GNAL: variants seen among roughly 807,000 people sequenced by gnomAD.
The protein encoded by GNAL is guanine nucleotide-binding protein G(olf) subunit alpha.
GNAL carries 18 observed loss-of-function variants against 55.1 expected under a neutral mutation model. That is an observed-to-expected ratio of 0.33 (90% CI 0.23 to 0.48). The LOEUF is 0.48. Ranked by LOEUF, GNAL falls within the 20% of genes least tolerant of loss-of-function variation. The pLI is 0.99. For synonymous variants in GNAL, 253 were observed against 237.0 expected, an observed-to-expected ratio of 1.07 and a Z score of -0.62; for missense variants, 412 against 614.1, an observed-to-expected ratio of 0.67 and a Z score of 3.48.
intron 5 of GNAL, among the ~76,000 whole-genome samples, chr18:11,860,346 A>G (rs1447716346): frequency 6.6e-6 from 1 of 152,188 alleles, no homozygotes; most frequent in African/African-American, 2.4e-5. Flanking sequence ...GACTGTCTCT[A>G]GCTTTCCAAA....
intron 1 of GNAL, among the ~76,000 whole-genome samples, chr18:11,748,491 A>G (rs2032740698): frequency 6.6e-6 from 1 of 151,156 alleles, no homozygotes; most frequent in South Asian, 2.1e-4. Context: ...TCATTATATT[A>G]TTAATATATT....
chr18:11,781,830 C>T (rs1039003196), intron 4 of GNAL, among the ~76,000 whole-genome samples: 1 of 152,096 alleles, frequency 6.6e-6, no homozygotes, highest in Non-Finnish European at 1.5e-5. Flanking sequence ...GGAGGGGTCA[C>T]ACTGTATTTT....
intron 4 of GNAL, among the ~76,000 whole-genome samples, chr18:11,783,465 A>G (rs977962169): frequency 7.2e-5 from 11 of 152,224 alleles, no homozygotes; most frequent in Non-Finnish European, 2.9e-5. Context: ...AGACTTTTAT[A>G]TTGTGCCTGC....
In GNAL at chr18:11,696,717, A is replaced by G. The variant is rs1033526603; in HGVS notation, c.376+6778A>G. The stretch of plus-strand genomic sequence containing the variant: ...TTGTTCTTTCACTTGGCAAAAGACC[A>G]GAAGTTCAGAACACTCTGTCAAAAA... On this transcript the variant is annotated intron_variant, in intron 1 of 11. Transcript: ENST00000334049. Among the ~76,000 whole-genome samples the G allele has an allele frequency of 3.9e-5, 6 of 152,214 alleles. No individual in the cohort carries two copies. The South Asian group carries it at 1.0e-3, about 26-fold the overall frequency.
intron 4 of GNAL, among the ~76,000 whole-genome samples, chr18:11,794,716 T>C (rs2034329999): frequency 6.6e-6 from 1 of 150,420 alleles, no homozygotes; most frequent in Non-Finnish European, 1.5e-5. Flanking sequence ...AAATGGTTAC[T>C]TTTATGTTAT....
chr18:11,773,255 A>G (rs1277317250), intron 4 of GNAL, among the ~76,000 whole-genome samples: 1 of 152,250 alleles, frequency 6.6e-6, no homozygotes, highest in Non-Finnish European at 1.5e-5. Context: ...AGCACATAAC[A>G]TGCTCACTTA....
chr18:11,799,188 G>T (rs911251081), intron 4 of GNAL, among the ~76,000 whole-genome samples: 1 of 151,830 alleles, frequency 6.6e-6, no homozygotes, highest in African/African-American at 2.4e-5. Context: ...TGAACCCCAG[G>T]ATCCCAAGCC....
At chr18:11,733,095 T>TG (rs141778972) in intron 1 of GNAL, among the ~76,000 whole-genome samples, 18,990 of 152,274 alleles carry the variant, frequency 0.12, 1,569 homozygotes, top group East Asian at 0.32. Flanking sequence ...GAGAAGACTC[T>TG]GATCTGTGCT....
intron 4 of GNAL, among the ~76,000 whole-genome samples, chr18:11,775,551 GCC>G (rs2033759448): frequency 6.6e-6 from 1 of 152,226 alleles, no homozygotes; most frequent in Non-Finnish European, 1.5e-5. Context: ...CAATGTCTAA[GCC>G]CTACCTCACC....
chr18:11,754,025 T>A, intron 4 of GNAL, 80 bp downstream of exon 4: 1 of 1,006,080 alleles, frequency 9.9e-7, no homozygotes, highest in Non-Finnish European at 1.6e-6. Context: ...AGAATCAATA[T>A]TGATACTAAT....
chr18:11,801,961 G>C (rs1424675554), intron 4 of GNAL, among the ~76,000 whole-genome samples: 1 of 152,120 alleles, frequency 6.6e-6, no homozygotes, highest in Admixed American at 6.5e-5. Flanking sequence ...GCAATAATCA[G>C]TATAATAATC....
At chr18:11,862,301 T>A in intron 5 of GNAL, 94 bp from the exon 6 acceptor site, 1 of 899,724 alleles carries the variant, frequency 1.1e-6, no homozygotes. Flanking sequence ...CCCCCATCCT[T>A]GCTGTACTTG....
At chr18:11,877,975 A>G (rs1362647422) in intron 11 of GNAL, among the ~76,000 whole-genome samples, 2 of 152,248 alleles carry the variant, frequency 1.3e-5, no homozygotes, top group Non-Finnish European at 2.9e-5. Context: ...GCCTTTACTT[A>G]AGCCAATTAA....
chr18:11,754,307 C>T (rs1474460282), intron 4 of GNAL, among the ~76,000 whole-genome samples: 1 of 151,818 alleles, frequency 6.6e-6, no homozygotes, highest in Non-Finnish European at 1.5e-5. Flanking sequence ...ATCCCAGCTA[C>T]TCAAGAGGCT....
chr18:11,876,487 T>A (rs2036535706), intron 10 of GNAL, 134 bp from the exon 11 acceptor site: 7 of 663,946 alleles, frequency 1.1e-5, no homozygotes, highest in Middle Eastern at 2.5e-4. Flanking sequence ...ACATGTTTGT[T>A]TTTGCCTTGC....
intron 5 of GNAL, among the ~76,000 whole-genome samples, chr18:11,848,316 C>G (rs2035782061): frequency 6.6e-6 from 1 of 152,120 alleles, no homozygotes; most frequent in African/African-American, 2.4e-5. Flanking sequence ...CTAGTCAGCC[C>G]TGGTCTCTCT....
At chr18:11,845,724 A>G (rs551553627) in intron 5 of GNAL, among the ~76,000 whole-genome samples, 48 of 151,276 alleles carry the variant, frequency 3.2e-4, no homozygotes, top group African/African-American at 1.1e-3. Context: ...GGAAAGAAAT[A>G]AAGGAAGGAA....
intron 5 of GNAL, among the ~76,000 whole-genome samples, chr18:11,828,952 A>G (rs2035315009): frequency 6.6e-6 from 1 of 152,234 alleles, no homozygotes; most frequent in African/African-American, 2.4e-5. Flanking sequence ...GCACTAGGTA[A>G]GTGTTATCTC....
chr18:11,807,018 G>T lies in GNAL; in HGVS notation c.625-17900G>T, dbSNP rs140337131. 4.5e-3 allele frequency among the ~76,000 whole-genome samples: 690 copies of T among 152,160 alleles called. 7 individuals are homozygous for T. Among genetic ancestry groups the T allele is most frequent in the African/African-American group, 0.015 (643 of 41,522 alleles). On this transcript the variant is annotated intron_variant, in intron 4 of 11. Coordinates refer to ENST00000334049, the MANE Select transcript of GNAL (RefSeq NM_182978.4). ...TACTAAAAATACAAAAATTAGCCGG[G>T]CATGGTGGCGCACGCCTGTAGTTCC... is the stretch of plus-strand genomic sequence containing the variant.
Sources: allele counts gnomAD v4.1 joint callset (sites outside exome capture counted in the v4.1 genomes callset), GRCh38; gene constraint gnomAD v4.1.1; transcripts MANE v1.5; gene names NCBI Gene and HGNC (gene_info 2026-07-23, HGNC 2026-07-21).